WDPCP: variants seen among roughly 807,000 people sequenced by gnomAD.
The protein encoded by WDPCP is WD repeat-containing and planar cell polarity effector protein fritz homolog.
In WDPCP, 71 loss-of-function variants were observed where a neutral mutation model predicts 93.1. The ratio of observed to expected loss-of-function variants is 0.76; its 90% CI spans 0.63 to 0.93. WDPCP has a LOEUF of 0.93. WDPCP is among the 40% of genes least tolerant of loss of function. WDPCP has a pLI of 0.00. For synonymous variants in WDPCP, 315 were observed against 315.0 expected, an observed-to-expected ratio of 1.00 and a Z score of 0.00; for missense variants, 844 against 887.4, an observed-to-expected ratio of 0.95 and a Z score of 0.62.
chr2:63,362,282 T>TGTGTGTGTGTGG (rs1690542070), intron 12 of WDPCP, among the ~76,000 whole-genome samples: 1 of 74,214 alleles, frequency 1.3e-5, no homozygotes, highest in Non-Finnish European at 2.4e-5. Context: ...TTTGGTTGTG[T>TGTGTGTGTGTGG]GTGTGTGTGT....
At chr2:63,192,380 G>GA (rs1188032135) in intron 14 of WDPCP, among the ~76,000 whole-genome samples, 2 of 151,968 alleles carry the variant, frequency 1.3e-5, no homozygotes, top group Admixed American at 6.6e-5. Flanking sequence ...TAAGCTGGGT[G>GA]AAAAAAAATG....
intron 2 of WDPCP, among the ~76,000 whole-genome samples, chr2:63,722,721 C>T (rs1575758219): frequency 3.3e-5 from 5 of 150,976 alleles, no homozygotes; most frequent in Admixed American, 1.3e-4. Flanking sequence ...CGCCTCTGCC[C>T]GGCCGCCCCT....
intron 2 of WDPCP, among the ~76,000 whole-genome samples, chr2:63,691,664 T>C (rs1028714449): frequency 2.0e-5 from 3 of 151,844 alleles, no homozygotes; most frequent in Admixed American, 6.6e-5. Flanking sequence ...AAAGAAGTAG[T>C]AATATCAATA....
intron 9 of WDPCP, among the ~76,000 whole-genome samples, chr2:63,414,591 T>C (rs373248988): frequency 5.3e-5 from 8 of 152,000 alleles, no homozygotes; most frequent in East Asian, 3.9e-4. Context: ...CTGGATGAGA[T>C]TGGAGACTAT....
At position 63,344,330 on chromosome 2, in the gene WDPCP, T is replaced by C. The variant is rs529982059; in HGVS notation, c.1749-31019A>G. On this transcript the variant is annotated intron_variant, in intron 12 of 17. Transcript: ENST00000272321. The stretch of plus-strand genomic sequence containing the variant: ...GATGCCTTTAAATCCTGAAGCACAA[T>C]AACAAATGAACAAAGACAAAAATTT... 2.0e-5 allele frequency among the ~76,000 whole-genome samples: 3 copies of C among 152,240 alleles called. No homozygotes were observed. The South Asian group carries it at 6.2e-4, about 32-fold the overall frequency.
chr2:63,397,200 G>C (rs1045321893), intron 10 of WDPCP, among the ~76,000 whole-genome samples: 1 of 152,156 alleles, frequency 6.6e-6, no homozygotes, highest in Non-Finnish European at 1.5e-5. Flanking sequence ...TGTTTTGACT[G>C]TATTTAGAAG....
chr2:63,755,285 G>A (rs1342716258), intron 2 of WDPCP, among the ~76,000 whole-genome samples: 6 of 152,144 alleles, frequency 3.9e-5, no homozygotes, highest in East Asian at 1.9e-4. Flanking sequence ...TCAGAGGTGC[G>A]CTATCATCTT....
At chr2:63,446,535 G>C (rs1697880244) in intron 6 of WDPCP, among the ~76,000 whole-genome samples, 1 of 152,176 alleles carries the variant, frequency 6.6e-6, no homozygotes, top group Non-Finnish European at 1.5e-5. Context: ...GGCAGATTTG[G>C]AAACTTCCCA....
intron 13 of WDPCP, among the ~76,000 whole-genome samples, chr2:63,270,573 T>C (rs1682556541): frequency 6.6e-6 from 1 of 152,200 alleles, no homozygotes; most frequent in African/African-American, 2.4e-5. Context: ...TAATCACATA[T>C]TGAATACAGC....
At chr2:63,484,886 G>C in intron 5 of WDPCP, 31 bp downstream of exon 5, 1 of 1,607,914 alleles carries the variant, frequency 6.2e-7, no homozygotes, top group Non-Finnish European at 8.5e-7. Flanking sequence ...AGATTTGTTT[G>C]TTGCCATTTT....
chr2:63,647,470 C>A (rs1473761840), intron 3 of WDPCP, among the ~76,000 whole-genome samples: 1 of 152,100 alleles, frequency 6.6e-6, no homozygotes, highest in East Asian at 1.9e-4. Context: ...ATGTATACAG[C>A]AACCTGGATG....
intron 17 of WDPCP, among the ~76,000 whole-genome samples, chr2:63,125,406 T>G (rs1012790738): frequency 2.0e-5 from 3 of 152,206 alleles, no homozygotes; most frequent in African/African-American, 7.2e-5. Context: ...AAGAAACATC[T>G]ATGTGACTAG....
chr2:63,301,349 T>C (rs367821709), intron 13 of WDPCP, among the ~76,000 whole-genome samples: 5 of 152,172 alleles, frequency 3.3e-5, no homozygotes, highest in African/African-American at 1.2e-4. Context: ...TGCCTCCAAT[T>C]AGAGTGGCAC....
At chr2:63,402,297 C>T (rs1694212321) in intron 10 of WDPCP, among the ~76,000 whole-genome samples, 1 of 152,000 alleles carries the variant, frequency 6.6e-6, no homozygotes, top group African/African-American at 2.4e-5. Flanking sequence ...AGGGGAACAA[C>T]ACACACAAGG....
At chr2:63,762,616 G>A (rs181057667) in intron 2 of WDPCP, among the ~76,000 whole-genome samples, 3 of 152,254 alleles carry the variant, frequency 2.0e-5, no homozygotes, top group Non-Finnish European at 2.9e-5. Flanking sequence ...TGTTGCTAGT[G>A]GGAACTCTCT....
intron 14 of WDPCP, among the ~76,000 whole-genome samples, chr2:63,182,773 AC>A (rs1384439604): frequency 3.1e-5 from 4 of 129,128 alleles, no homozygotes; most frequent in South Asian, 2.4e-4. Flanking sequence ...TTGGCCCTGG[AC>A]TTTTTTTTTT....
intron 14 of WDPCP, among the ~76,000 whole-genome samples, chr2:63,249,883 A>G (rs1183955622): frequency 6.6e-6 from 1 of 152,204 alleles, no homozygotes; most frequent in Non-Finnish European, 1.5e-5. Flanking sequence ...CTTCCATCGT[A>G]GCTAAGCACT....
At chr2:63,779,497 G>A (rs1244245539) in intron 2 of WDPCP, among the ~76,000 whole-genome samples, 2 of 152,134 alleles carry the variant, frequency 1.3e-5, no homozygotes, top group Non-Finnish European at 2.9e-5. Context: ...GGCATTGCTT[G>A]TCCTGGTTTA....
chr2:63,643,489 C>A, intron 3 of WDPCP: 1 of 366,600 alleles, frequency 2.7e-6, no homozygotes, highest in Non-Finnish European at 5.4e-6. Context: ...CAGGTTAGCA[C>A]CCCTCAGTCA....
Sources: allele counts gnomAD v4.1 joint callset (sites outside exome capture counted in the v4.1 genomes callset), GRCh38; gene constraint gnomAD v4.1.1; transcripts MANE v1.5; gene names NCBI Gene and HGNC (gene_info 2026-07-23, HGNC 2026-07-21).